Variants in LYPD6 observed in about 807,000 individuals in gnomAD.
LYPD6 encodes the protein LY6/PLAUR domain containing 6, also known as ly6/PLAUR domain-containing protein 6.
Under a neutral mutation model 22.7 loss-of-function variants are expected in LYPD6, and 15 were observed. That is an observed-to-expected ratio of 0.66 (90% confidence interval 0.44 to 1.02). The LOEUF is 1.02. Among genes scored for constraint, LYPD6 ranks in the 50% least tolerant of loss-of-function variants. The pLI, the probability that LYPD6 is intolerant of heterozygous loss-of-function variation, is 0.00. For synonymous variants in LYPD6, 72 were observed against 77.5 expected, an observed-to-expected ratio of 0.93 and a Z score of 0.37; for missense variants, 189 against 208.4, an observed-to-expected ratio of 0.91 and a Z score of 0.57.
chr2:149,465,322 A>C (rs1351982796), intron 3 of LYPD6, among the ~76,000 whole-genome samples: 2 of 152,186 alleles, frequency 1.3e-5, no homozygotes, highest in East Asian at 3.9e-4. Context: ...TGCGTAGGGC[A>C]CAGTTGTTGC....
chr2:149,430,445 A>G (rs1406693038), intron 1 of LYPD6, among the ~76,000 whole-genome samples: 1 of 152,128 alleles, frequency 6.6e-6, no homozygotes, highest in Non-Finnish European at 1.5e-5. Context: ...CAATTCCCAA[A>G]TTGCATGAAA....
At chr2:149,452,025 G>A (rs904277965) in intron 3 of LYPD6, among the ~76,000 whole-genome samples, 17 of 152,188 alleles carry the variant, frequency 1.1e-4, no homozygotes, top group Non-Finnish European at 2.2e-4. Context: ...AAAGCATCAC[G>A]TGCTGAGAAG....
chr2:149,404,851 T>C (rs1412776674), intron 1 of LYPD6, among the ~76,000 whole-genome samples: 1 of 152,228 alleles, frequency 6.6e-6, no homozygotes, highest in Non-Finnish European at 1.5e-5. Context: ...GCCCATTCAG[T>C]ATGATATTGG....
At chr2:149,433,272 G>A (rs946292242) in intron 1 of LYPD6, among the ~76,000 whole-genome samples, 3 of 152,148 alleles carry the variant, frequency 2.0e-5, no homozygotes, top group South Asian at 4.1e-4. Flanking sequence ...AATGAATTCA[G>A]CTTGCTCTTT....
intron 2 of LYPD6, among the ~76,000 whole-genome samples, chr2:149,440,791 C>G (rs1683548185): frequency 6.7e-6 from 1 of 150,112 alleles, no homozygotes; most frequent in Non-Finnish European, 1.5e-5. Context: ...AGCTCCGCCT[C>G]CTGGGTTCAT....
intron 1 of LYPD6, among the ~76,000 whole-genome samples, chr2:149,365,122 A>G (rs113431914): frequency 1.3e-5 from 2 of 152,154 alleles, no homozygotes; most frequent in South Asian, 2.1e-4. Context: ...TTGAACCACT[A>G]ATTCACAGTA....
At chr2:149,403,184 T>C (rs1265014032) in intron 1 of LYPD6, among the ~76,000 whole-genome samples, 3 of 152,164 alleles carry the variant, frequency 2.0e-5, no homozygotes, top group African/African-American at 7.2e-5. Context: ...AGTGCCGCAG[T>C]AAACATATGT....
chr2:149,458,270 T>A (rs924825556), intron 3 of LYPD6, among the ~76,000 whole-genome samples: 1 of 152,152 alleles, frequency 6.6e-6, no homozygotes, highest in Non-Finnish European at 1.5e-5. Context: ...GAGACCGTGT[T>A]AGGGAGCCTA....
At chr2:149,362,549 A>G (rs929238313) in intron 1 of LYPD6, among the ~76,000 whole-genome samples, 11 of 152,166 alleles carry the variant, frequency 7.2e-5, no homozygotes, top group Non-Finnish European at 1.2e-4. Flanking sequence ...CTACAACAGA[A>G]TGGCTGAGAC....
At chr2:149,369,390 T>C (rs1681754856) in intron 1 of LYPD6, among the ~76,000 whole-genome samples, 1 of 152,134 alleles carries the variant, frequency 6.6e-6, no homozygotes, top group Admixed American at 6.5e-5. Context: ...CTTCCTCCAT[T>C]GCTCTGTGTG....
At chr2:149,367,208 GGTT>G (rs1314842422) in intron 1 of LYPD6, among the ~76,000 whole-genome samples, 1 of 152,110 alleles carries the variant, frequency 6.6e-6, no homozygotes, top group African/African-American at 2.4e-5. Flanking sequence ...GGCTGCAATC[GGTT>G]GTTAGCCAGG....
chr2:149,434,986 C>T (rs1683397979), intron 1 of LYPD6, among the ~76,000 whole-genome samples: 1 of 152,192 alleles, frequency 6.6e-6, no homozygotes, highest in Non-Finnish European at 1.5e-5. Context: ...TATGTTGAAG[C>T]CTAACCCCTG....
At chr2:149,391,640 T>A (rs1682312234) in intron 1 of LYPD6, among the ~76,000 whole-genome samples, 1 of 152,142 alleles carries the variant, frequency 6.6e-6, no homozygotes, top group African/African-American at 2.4e-5. Context: ...AAATATTTGA[T>A]CCCTGTTTCA....
At position 149,470,685 on chromosome 2, in the gene LYPD6, C is replaced by G. The variant is rs768515557; in HGVS notation, c.351C>G (p.Val117=). 23 of 1,612,960 alleles carry G rather than the reference C, an allele frequency of 1.4e-5. No individual in the cohort carries two copies. Among genetic ancestry groups the G allele is most frequent in the Non-Finnish European group, 1.7e-5 (20 of 1,179,158 alleles). The change falls in exon 5 of 5, where the codon GTC becomes GTG. Residue 117 remains valine (V), a splice_region_variant and synonymous_variant. Transcript: ENST00000334166. Reference sequence around the variant, plus strand: ...CTTTTTTTCTTCCTTTCTTTCAGGTCTGCACTTCTTGTTGTGAAGGAAATA... The same window carrying G: ...CTTTTTTTCTTCCTTTCTTTCAGGTGTGCACTTCTTGTTGTGAAGGAAATA... ...CRDSEHEGHK[V]CTSCCEGNIC...
At chr2:149,421,573 G>A (rs1411706627) in intron 1 of LYPD6, among the ~76,000 whole-genome samples, 1 of 151,968 alleles carries the variant, frequency 6.6e-6, no homozygotes, top group South Asian at 2.1e-4. Context: ...TTTGTAGGTC[G>A]AAAATGATGG....
chr2:149,415,563 A>C (rs1389964283), intron 1 of LYPD6, among the ~76,000 whole-genome samples: 1 of 152,120 alleles, frequency 6.6e-6, no homozygotes, highest in East Asian at 1.9e-4. Context: ...TTGGAGAGCT[A>C]TCAGACTGCA....
intron 1 of LYPD6, among the ~76,000 whole-genome samples, chr2:149,372,459 G>A (rs965380047): frequency 1.3e-5 from 2 of 152,186 alleles, no homozygotes; most frequent in African/African-American, 4.8e-5. Context: ...AAATACTGTT[G>A]TCTTAAATAC....
intron 1 of LYPD6, among the ~76,000 whole-genome samples, chr2:149,430,983 C>T (rs953645585): frequency 1.3e-5 from 2 of 152,130 alleles, no homozygotes; most frequent in Non-Finnish European, 2.9e-5. Context: ...TCAACTTTCT[C>T]CCAAGTGGAG....
intron 2 of LYPD6, among the ~76,000 whole-genome samples, chr2:149,444,961 C>T (rs559464242): frequency 2.0e-4 from 30 of 152,258 alleles, no homozygotes; most frequent in African/African-American, 7.0e-4. Context: ...TATTCATCAG[C>T]GGAATCATGA....
Sources: gnomAD v4.1 joint callset for allele counts (sites outside exome capture counted in the v4.1 genomes callset) on GRCh38, gnomAD v4.1.1 for gene constraint, MANE v1.5 for transcripts, NCBI Gene and HGNC (gene_info 2026-07-23, HGNC 2026-07-21) for gene names.